The following GABRG3 variants were observed in gnomAD, a reference collection of about 807,000 sequenced individuals.
GABRG3 encodes gamma-aminobutyric acid type A receptor subunit gamma3, also known as gamma-aminobutyric acid receptor subunit gamma-3.
Under a neutral mutation model 48.8 loss-of-function variants are expected in GABRG3, and 25 were observed. That is an observed-to-expected ratio of 0.51 (90% confidence interval 0.37 to 0.72). The LOEUF (loss-of-function observed/expected upper bound fraction) is 0.72, where lower values mean the gene tolerates loss of function less well. Among genes scored for constraint, GABRG3 ranks in the 30% least tolerant of loss-of-function variants. The probability of loss-of-function intolerance (pLI) is 0.00; values close to 1 mark genes in which losing one functional copy is unlikely to be tolerated. For synonymous variants in GABRG3, 227 were observed against 217.6 expected (o/e 1.04, Z -0.38); for missense variants, 394 against 577.9 (o/e 0.68, Z 3.26).
intron 3 of GABRG3, among the ~76,000 whole-genome samples, chr15:27,113,958 T>A (rs979697924): frequency 6.6e-6 from 1 of 152,212 alleles, no homozygotes; most frequent in Non-Finnish European, 1.5e-5. Flanking sequence ...ACCAACATAT[T>A]TAAAAAATAC....
chr15:27,354,446 G>T (rs1894769727), intron 5 of GABRG3, among the ~76,000 whole-genome samples: 1 of 152,124 alleles, frequency 6.6e-6, no homozygotes, highest in South Asian at 2.1e-4. Context: ...TGCCTACATG[G>T]CTATGGAACT....
chr15:27,388,181 AGGG>A (rs1896043800), intron 5 of GABRG3, among the ~76,000 whole-genome samples: 1 of 65,666 alleles, frequency 1.5e-5, no homozygotes, highest in South Asian at 7.2e-4. Flanking sequence ...GAAGGAAAGG[AGGG>A]AGGGAGGGTA....
chr15:27,068,383 CTG>C (rs1030521800), intron 3 of GABRG3, among the ~76,000 whole-genome samples: 105 of 152,340 alleles, frequency 6.9e-4, no homozygotes, highest in African/African-American at 2.3e-3. Context: ...TGCAGAAACT[CTG>C]TGCACTGTAG....
chr15:27,098,475 C>T (rs1203737864), intron 3 of GABRG3, among the ~76,000 whole-genome samples: 2 of 152,080 alleles, frequency 1.3e-5, no homozygotes, highest in Non-Finnish European at 2.9e-5. Context: ...AACTGAATGT[C>T]AGTATCTCAG....
chr15:27,105,600 G>C (rs567961428), intron 3 of GABRG3, among the ~76,000 whole-genome samples: 2 of 152,104 alleles, frequency 1.3e-5, no homozygotes, highest in Admixed American at 6.5e-5. Context: ...TTAACATAAC[G>C]TTTTAGGATG....
Position 27,319,368 on chromosome 15 carries a change from C to G in GABRG3, c.271-7441C>G, listed in dbSNP as rs1893342714. Reference sequence around the variant, plus strand: ...AACATTGGGTACAGTGGGGCTATGTCAATTATTTGGAAAGTGGACTGACTC... The same window carrying G: ...AACATTGGGTACAGTGGGGCTATGTGAATTATTTGGAAAGTGGACTGACTC... On this transcript the variant is annotated intron_variant, in intron 3 of 9. Transcript: ENST00000615808. This position sits in a 1 kb window ranked among gnomAD's most constrained non-coding sequence, Gnocchi z 4.4. 6.6e-6 allele frequency among the ~76,000 whole-genome samples: 1 copy of G among 152,104 alleles called. No homozygotes were observed. Among genetic ancestry groups the G allele is most frequent in the Admixed American group, 6.5e-5 (1 of 15,276 alleles).
rs750660781 is a variant in GABRG3, at chr15:26,977,131, G to A, written c.183G>A (p.Lys61=). ...LNKLLREYDK[K]LRPDIGIKPT... The stretch of plus-strand genomic sequence containing the variant: ...AGTTGCTAAGAGAATATGATAAAAA[G>A]CTGAGGCCAGATATTGGAAGTGAGT... Residue 61 remains lysine, a synonymous_variant, in exon 2 of 10, where the codon AAG becomes AAA. Coordinates refer to ENST00000615808, the MANE Select transcript of GABRG3 (RefSeq NM_033223.5). The A allele has an allele frequency of 6.8e-6, 11 of 1,613,268 alleles. No individual in the cohort carries two copies. In the South Asian group the frequency reaches 1.2e-4, roughly 18 times the overall value.
At chr15:27,403,925 A>AAAC (rs1887551655) in intron 5 of GABRG3, among the ~76,000 whole-genome samples, 1 of 129,206 alleles carries the variant, frequency 7.7e-6, no homozygotes, top group Non-Finnish European at 1.5e-5. Context: ...AAAAAAAAAA[A>AAAC]AAACAAAAAA....
At chr15:27,330,958 T>C (rs900338616) in intron 5 of GABRG3, among the ~76,000 whole-genome samples, 9 of 152,148 alleles carry the variant, frequency 5.9e-5, no homozygotes, top group Non-Finnish European at 1.2e-4. Flanking sequence ...AGAAAAATTA[T>C]CATATCTGAA....
At chr15:27,463,995 G>T (rs528930323) in intron 5 of GABRG3, among the ~76,000 whole-genome samples, 1 of 152,206 alleles carries the variant, frequency 6.6e-6, no homozygotes, top group Non-Finnish European at 1.5e-5. Context: ...AAACGAGCTG[G>T]TGTCACCCAT....
intron 3 of GABRG3, among the ~76,000 whole-genome samples, chr15:27,152,961 C>T (rs1009960768): frequency 2.0e-5 from 3 of 151,512 alleles, no homozygotes; most frequent in East Asian, 2.0e-4. Flanking sequence ...CCCGGGTTCA[C>T]GCCGTTCTCC....
chr15:27,397,245 G>A (rs984698432), intron 5 of GABRG3, among the ~76,000 whole-genome samples: 9 of 152,128 alleles, frequency 5.9e-5, no homozygotes, highest in Non-Finnish European at 1.3e-4. Context: ...ATTTTGTAAA[G>A]CTAAAGACCA....
At chr15:27,246,689 T>C (rs1262198833) in intron 3 of GABRG3, among the ~76,000 whole-genome samples, 1 of 152,174 alleles carries the variant, frequency 6.6e-6, no homozygotes, top group Non-Finnish European at 1.5e-5. Flanking sequence ...CTAGCATCAG[T>C]AGTTGCCTTG....
intron 5 of GABRG3, among the ~76,000 whole-genome samples, chr15:27,396,520 A>G (rs1391779332): frequency 1.3e-5 from 2 of 152,228 alleles, no homozygotes; most frequent in Admixed American, 6.5e-5. Context: ...ATGTGGTGGA[A>G]CAACTGAGCT....
chr15:27,227,968 G>C lies in GABRG3; in HGVS notation c.271-98841G>C, dbSNP rs373216899. ...AGTGCATGTTTTAAAATTTTTAAAT[G>C]CTCAAAAGGGTTAAATGAAGGATAA... On this transcript the variant is annotated intron_variant, in intron 3 of 9. Coordinates refer to ENST00000615808, the MANE Select transcript of GABRG3 (RefSeq NM_033223.5). Among the ~76,000 whole-genome samples the C allele has an allele frequency of 3.9e-4, 60 of 152,218 alleles. 1 individual carries two copies. Among genetic ancestry groups the C allele is most frequent in the African/African-American group, 1.4e-3 (57 of 41,532 alleles).
intron 6 of GABRG3, among the ~76,000 whole-genome samples, chr15:27,491,195 A>G (rs1890345697): frequency 6.6e-6 from 1 of 152,194 alleles, no homozygotes; most frequent in Non-Finnish European, 1.5e-5. Context: ...CTCAGCCCTC[A>G]GTGGCACAGC....
chr15:27,304,685 C>T lies in GABRG3; in HGVS notation c.271-22124C>T, dbSNP rs115207601. On this transcript the variant is annotated intron_variant, in intron 3 of 9. Transcript: ENST00000615808. The stretch of plus-strand genomic sequence containing the variant: ...CTTACTGTTTTTCTCTTACATGGGC[C>T]TCAGTGATTACATTGGGCCCACCCA... Among the ~76,000 whole-genome samples the T allele has an allele frequency of 2.7e-3, 416 of 152,050 alleles. 3 individuals carry two copies. Among genetic ancestry groups the T allele is most frequent in the African/African-American group, 9.6e-3 (397 of 41,530 alleles).
Position 27,037,331 on chromosome 15 carries a change from TTG to T in GABRG3, c.270+10511_270+10512del, listed in dbSNP as rs1320023647. On this transcript the variant is annotated intron_variant, in intron 3 of 9. Transcript: ENST00000615808. ...CCATATATAAGAGATTCTGTAAGAA[TTG>T]AAGAAACAGGAGAGAAACACAAAGG... Among the ~76,000 whole-genome samples, 7 of 152,146 alleles carry T rather than the reference TTG, an allele frequency of 4.6e-5. No individual in the cohort carries two copies. In the South Asian group the frequency reaches 1.5e-3, roughly 32 times the overall value.
chr15:27,351,094 ATG>A, intron 5 of GABRG3, among the ~76,000 whole-genome samples: 1 of 131,316 alleles, frequency 7.6e-6, no homozygotes, highest in South Asian at 2.5e-4. Flanking sequence ...TAGTGTGTGT[ATG>A]GTGTGTGTGT....
Sources: allele counts gnomAD v4.1 joint callset (sites outside exome capture counted in the v4.1 genomes callset), GRCh38; gene constraint gnomAD v4.1.1; non-coding constraint Gnocchi (gnomAD v3.1); transcripts MANE v1.5; gene names NCBI Gene and HGNC (gene_info 2026-07-23, HGNC 2026-07-21).